Variants in CNTN5 observed in about 807,000 individuals in gnomAD.
The protein encoded by CNTN5 is contactin-5.
CNTN5 carries 77 observed loss-of-function variants against 129.1 expected under a neutral mutation model. The ratio of observed to expected loss-of-function variants is 0.60; its 90% CI spans 0.50 to 0.72. The LOEUF is 0.72. Among genes scored for constraint, CNTN5 ranks in the 30% least tolerant of loss-of-function variants. CNTN5 has a pLI of 0.00. For missense variants in CNTN5, 1,478 were observed against 1,328.8 expected, an observed-to-expected ratio of 1.11 and a Z score of -1.75; for synonymous variants, 509 against 465.6, an observed-to-expected ratio of 1.09 and a Z score of -1.20.
At chr11:99,317,536 C>A (rs144114878) in intron 1 of CNTN5, among the ~76,000 whole-genome samples, 5 of 151,910 alleles carry the variant, frequency 3.3e-5, no homozygotes, top group Non-Finnish European at 5.9e-5. Context: ...ATTTTGGGAA[C>A]CTTTCCAGTC....
intron 13 of CNTN5, among the ~76,000 whole-genome samples, chr11:100,131,082 C>T (rs978480245): frequency 6.6e-6 from 1 of 151,984 alleles, no homozygotes; most frequent in African/African-American, 2.4e-5. Context: ...ATTATATCCT[C>T]GTGGCAATGG....
At chr11:99,652,307 G>C (rs1011574841) in intron 3 of CNTN5, among the ~76,000 whole-genome samples, 1 of 151,984 alleles carries the variant, frequency 6.6e-6, no homozygotes, top group Admixed American at 6.6e-5. Context: ...AGTGCCAGCA[G>C]GGCAATCTAT....
intron 8 of CNTN5, among the ~76,000 whole-genome samples, chr11:99,993,745 G>C (rs563946863): frequency 1.3e-5 from 2 of 152,160 alleles, no homozygotes; most frequent in African/African-American, 4.8e-5. Flanking sequence ...GAGGGGTGGG[G>C]AACCCTGAGC....
At chr11:99,877,437 C>A (rs1257844185) in intron 6 of CNTN5, among the ~76,000 whole-genome samples, 2 of 152,088 alleles carry the variant, frequency 1.3e-5, no homozygotes, top group Admixed American at 1.3e-4. Context: ...ATTTACTCTG[C>A]CTTTGAAATT....
At chr11:99,224,455 G>T (rs1860567872) in intron 1 of CNTN5, among the ~76,000 whole-genome samples, 1 of 151,886 alleles carries the variant, frequency 6.6e-6, no homozygotes, top group Admixed American at 6.6e-5. Flanking sequence ...TTATTTCAGT[G>T]GAAATAACTG....
intron 2 of CNTN5, among the ~76,000 whole-genome samples, chr11:99,427,083 C>G (rs899794933): frequency 1.8e-4 from 28 of 152,170 alleles, no homozygotes; most frequent in African/African-American, 6.5e-4. Context: ...AAACCTTCTG[C>G]AGTGAGGTTG....
rs111491562 is a variant in CNTN5, at chr11:100,070,159, A to G, written c.1163-265A>G. Among the ~76,000 whole-genome samples the G allele has an allele frequency of 3.2e-3, 426 of 131,132 alleles. 5 individuals carry two copies. The highest frequency in any genetic ancestry group is 0.012 in the African/African-American group (411 of 33,848). 86.0% of individuals were successfully genotyped at this position (131,132 alleles called of 152,430 possible). On this transcript the variant is annotated intron_variant, in intron 10 of 24. Transcript: ENST00000524871. ...TGCCTTGGGGATAACTAAACCACTT[A>G]AAGTCCAAAAAAAAAAAAAAAAGAA...
chr11:99,560,662 G>C (rs965430141), intron 3 of CNTN5, among the ~76,000 whole-genome samples: 1 of 152,130 alleles, frequency 6.6e-6, no homozygotes, highest in African/African-American at 2.4e-5. Context: ...CTTCAGAAAT[G>C]AGTCTGCAAA....
intron 2 of CNTN5, among the ~76,000 whole-genome samples, chr11:99,551,211 AG>A (rs1415955948): frequency 2.0e-5 from 3 of 152,216 alleles, no homozygotes; most frequent in Admixed American, 6.5e-5. Flanking sequence ...AATCATAAAA[AG>A]ATGTCACTGC....
chr11:99,026,417 A>C (rs1377458373), intron 1 of CNTN5, among the ~76,000 whole-genome samples: 1 of 151,630 alleles, frequency 6.6e-6, no homozygotes, highest in African/African-American at 2.4e-5. Context: ...AATGATAAGA[A>C]TTTCAAAAGT....
At chr11:99,163,447 T>C (rs1028356751) in intron 1 of CNTN5, among the ~76,000 whole-genome samples, 11 of 152,192 alleles carry the variant, frequency 7.2e-5, no homozygotes, top group African/African-American at 2.6e-4. Context: ...TAATAAGAAA[T>C]ATTTAATATT....
rs767971947 is a variant in CNTN5, at chr11:99,530,385, G to A, written c.-70-25760G>A. Among the ~76,000 whole-genome samples, 5 of 152,146 alleles carry A rather than the reference G, an allele frequency of 3.3e-5. No individual in the cohort carries two copies. In the South Asian group the frequency reaches 6.2e-4, roughly 19 times the overall value. The stretch of plus-strand genomic sequence containing the variant: ...CCACAAAGGAAATAGCAGATATTAG[G>A]AGAATGATTATGATTTCCCTCATTG... On this transcript the variant is annotated intron_variant, in intron 2 of 24. Transcript: ENST00000524871.
chr11:99,886,089 A>G (rs1041373683), intron 6 of CNTN5, among the ~76,000 whole-genome samples: 3 of 152,148 alleles, frequency 2.0e-5, no homozygotes, highest in Non-Finnish European at 4.4e-5. Context: ...GATAACTTTG[A>G]GAATTAAATG....
intron 1 of CNTN5, among the ~76,000 whole-genome samples, chr11:99,284,513 T>C (rs1385479138): frequency 6.6e-6 from 1 of 152,004 alleles, no homozygotes; most frequent in Non-Finnish European, 1.5e-5. Flanking sequence ...ATTTACCTTG[T>C]TTACCAGTGG....
chr11:100,266,351 GTTTTC>G (rs1000472709), intron 17 of CNTN5, among the ~76,000 whole-genome samples: 110 of 152,148 alleles, frequency 7.2e-4, no homozygotes, highest in African/African-American at 1.9e-3. Context: ...GATGCACAAT[GTTTTC>G]TTTGAAACCA....
At chr11:100,351,093 A>G (rs534684) in intron 24 of CNTN5, among the ~76,000 whole-genome samples, 108,661 of 151,376 alleles carry the variant, frequency 0.72, 40,234 homozygotes, top group East Asian at 0.98. Context: ...TCATTAGAAT[A>G]TACTGATTTG....
chr11:99,819,398 A>G (rs865844696), intron 3 of CNTN5, 146 bp from the exon 4 acceptor site: 6 of 634,950 alleles, frequency 9.4e-6, no homozygotes, highest in South Asian at 2.1e-5. Flanking sequence ...TAAAAGTAAC[A>G]TTTTTTCACA....
chr11:99,383,202 G>A (rs980176984), intron 2 of CNTN5, among the ~76,000 whole-genome samples: 11 of 151,928 alleles, frequency 7.2e-5, no homozygotes, highest in African/African-American at 2.7e-4. Context: ...AAAATGAAGT[G>A]GCTATCATTT....
At chr11:99,664,903 T>C (rs574939086) in intron 3 of CNTN5, among the ~76,000 whole-genome samples, 4 of 152,288 alleles carry the variant, frequency 2.6e-5, no homozygotes, top group South Asian at 4.1e-4. Flanking sequence ...TATGGTATAA[T>C]GTGGAATGCC....
Sources: gnomAD v4.1 joint callset for allele counts (sites outside exome capture counted in the v4.1 genomes callset) on GRCh38, gnomAD v4.1.1 for gene constraint, MANE v1.5 for transcripts, NCBI Gene and HGNC (gene_info 2026-07-23, HGNC 2026-07-21) for gene names.